SLC44A5: variants seen among roughly 807,000 people sequenced by gnomAD.
SLC44A5 encodes solute carrier family 44 member 5.
In SLC44A5, 57 loss-of-function variants were observed where a neutral mutation model predicts 101.8. The ratio of observed to expected loss-of-function variants is 0.56; its 90% CI spans 0.45 to 0.70. The LOEUF is 0.70. Among genes scored for constraint, SLC44A5 ranks in the 30% least tolerant of loss-of-function variants. SLC44A5 has a pLI of 0.00. For missense variants in SLC44A5, 737 were observed against 853.1 expected, an observed-to-expected ratio of 0.86 and a Z score of 1.70; for synonymous variants, 281 against 290.9, an observed-to-expected ratio of 0.97 and a Z score of 0.35.
chr1:75,388,188 G>T (rs1245605531), intron 3 of SLC44A5, among the ~76,000 whole-genome samples: 4 of 126,384 alleles, frequency 3.2e-5, no homozygotes, highest in African/African-American at 1.3e-4. Flanking sequence ...ATGTGCACAT[G>T]TACCCTAAAA....
intron 2 of SLC44A5, among the ~76,000 whole-genome samples, chr1:75,473,698 A>C (rs919655770): frequency 1.3e-5 from 2 of 152,164 alleles, no homozygotes; most frequent in Admixed American, 1.3e-4. Context: ...TATAATCAGC[A>C]TCTTATTTTA....
chr1:75,466,166 A>G (rs539606379), intron 2 of SLC44A5, among the ~76,000 whole-genome samples: 2 of 152,324 alleles, frequency 1.3e-5, no homozygotes, highest in East Asian at 3.9e-4. Flanking sequence ...TACATTTAAA[A>G]GGCCATTTGT....
At chr1:75,590,440 G>A (rs1674282065) in intron 1 of SLC44A5, among the ~76,000 whole-genome samples, 1 of 152,162 alleles carries the variant, frequency 6.6e-6, no homozygotes, top group Non-Finnish European at 1.5e-5. Context: ...AAGCCTCTGA[G>A]ACTTGCTGGC....
chr1:75,483,341 C>CA (rs58259337), intron 2 of SLC44A5, among the ~76,000 whole-genome samples: 5 of 151,948 alleles, frequency 3.3e-5, no homozygotes, highest in African/African-American at 7.2e-5. Flanking sequence ...TTCTAAACCT[C>CA]AAAAAAAGCT....
the SLC44A5 span, among the ~76,000 whole-genome samples, chr1:75,687,693 C>G: frequency 6.6e-6 from 1 of 152,158 alleles, no homozygotes; most frequent in East Asian, 1.9e-4. Flanking sequence ...GTGAATTTCT[C>G]CCCAGGACAC....
chr1:75,367,922 C>T (rs1468513077), intron 3 of SLC44A5, among the ~76,000 whole-genome samples: 2 of 152,136 alleles, frequency 1.3e-5, no homozygotes, highest in African/African-American at 4.8e-5. Context: ...GAAAGGAGAC[C>T]TCCCATGCCA....
At chr1:75,632,011 C>T in the SLC44A5 span, among the ~76,000 whole-genome samples, 8 of 152,180 alleles carry the variant, frequency 5.3e-5, no homozygotes, top group East Asian at 5.8e-4. Context: ...GAGTCACTGA[C>T]GACAAATCAT....
intron 4 of SLC44A5, among the ~76,000 whole-genome samples, chr1:75,338,205 G>A (rs2101026343): frequency 6.6e-6 from 1 of 152,272 alleles, no homozygotes. Context: ...CATCACAAAA[G>A]GCCCCAGGTA....
chr1:75,664,270 C>T, the SLC44A5 span, among the ~76,000 whole-genome samples: 7 of 152,192 alleles, frequency 4.6e-5, no homozygotes, highest in South Asian at 2.1e-4. Context: ...GATGCCCACT[C>T]GCATTACACC....
At chr1:75,550,239 G>C (rs999500465) in intron 1 of SLC44A5, among the ~76,000 whole-genome samples, 5 of 152,032 alleles carry the variant, frequency 3.3e-5, no homozygotes, top group African/African-American at 1.2e-4. Context: ...CCATAAAAAG[G>C]AATGAACATC....
At chr1:75,264,713 C>A (rs1041483822) in intron 6 of SLC44A5, among the ~76,000 whole-genome samples, 9 of 151,824 alleles carry the variant, frequency 5.9e-5, no homozygotes, top group African/African-American at 2.2e-4. Context: ...TCTAACAATG[C>A]ACCTCAAGGA....
rs1318966263 is a variant in SLC44A5 at position 75,227,818 on chromosome 1, T to G, written c.893A>C (p.Glu298Ala). The change falls in exon 13 of 24, where the codon GAA becomes GCA. Residue 298 changes from glutamate to alanine, a missense_variant. By Grantham distance (107) the Glu-to-Ala change is moderately radical. This residue lies in a region of SLC44A5 where 665 missense variants were observed against 764.4 expected (regional missense o/e 0.87). Coordinates refer to ENST00000370859, the MANE Select transcript of SLC44A5 (RefSeq NM_001130058.2). ...HCYQQYTNLQ[E>A]RPSSVLTIYD... is the part of the protein sequence containing the mutation. ...GATAGTTAATACAGAACTTGGGCGT[T>G]CCTGAAGATTGGTGTACTGCTGGTA... The G allele has an allele frequency of 6.2e-7, 1 of 1,600,526 alleles. No individual in the cohort carries two copies. The highest frequency in any genetic ancestry group is 8.5e-7 in the Non-Finnish European group (1 of 1,176,480).
chr1:75,618,724 T>C, the SLC44A5 span, among the ~76,000 whole-genome samples: 1 of 152,166 alleles, frequency 6.6e-6, no homozygotes, highest in Non-Finnish European at 1.5e-5. Flanking sequence ...TTATAGGCAA[T>C]TGTAAAACAA....
intron 1 of SLC44A5, among the ~76,000 whole-genome samples, chr1:75,579,510 G>C (rs758133315): frequency 2.0e-5 from 3 of 151,314 alleles, no homozygotes; most frequent in Non-Finnish European, 3.0e-5. Context: ...AGGTCCCTAA[G>C]CAAAATATTT....
chr1:75,572,222 T>C (rs921735484), intron 1 of SLC44A5, among the ~76,000 whole-genome samples: 19 of 152,170 alleles, frequency 1.2e-4, no homozygotes, highest in African/African-American at 4.6e-4. Context: ...AGTCTCACAA[T>C]GACAGCTTTG....
chr1:75,516,928 A>G (rs1438766597), intron 2 of SLC44A5, among the ~76,000 whole-genome samples: 2 of 152,324 alleles, frequency 1.3e-5, no homozygotes, highest in Non-Finnish European at 2.9e-5. Flanking sequence ...AAAATTATCA[A>G]TTCTGTTCAT....
intron 23 of SLC44A5, among the ~76,000 whole-genome samples, chr1:75,210,446 G>T (rs142116173): frequency 1.6e-3 from 250 of 152,250 alleles, no homozygotes; most frequent in African/African-American, 5.6e-3. Flanking sequence ...AAGCTCTAAA[G>T]AAGTATTTTA....
chr1:75,519,954 T>C (rs911869996), intron 2 of SLC44A5, among the ~76,000 whole-genome samples: 3 of 152,208 alleles, frequency 2.0e-5, no homozygotes, highest in Admixed American at 1.3e-4. Context: ...ACCAGCTCAA[T>C]CATGGAGAAA....
Position 75,467,085 on chromosome 1 carries a change from A to G in SLC44A5, c.14-70464T>C, listed in dbSNP as rs12033810. Among the ~76,000 whole-genome samples, 340 of 152,288 alleles carry G rather than the reference A, an allele frequency of 2.2e-3. 9 individuals carry two copies. In the East Asian group the frequency reaches 0.055, roughly 25 times the overall value. ...AATTTAAAAAGTAATCCCATGTACAATAGCCACAAATTAAACTAAATACCT... is the reference window on the plus strand; with the variant it reads ...AATTTAAAAAGTAATCCCATGTACAGTAGCCACAAATTAAACTAAATACCT... On this transcript the variant is annotated intron_variant, in intron 2 of 23. Coordinates refer to ENST00000370859, the MANE Select transcript of SLC44A5 (RefSeq NM_001130058.2).
Sources: gnomAD v4.1 joint callset for allele counts (sites outside exome capture counted in the v4.1 genomes callset) on GRCh38, gnomAD v4.1.1 for gene constraint, gnomAD v4.1.1 regional missense constraint, MANE v1.5 for transcripts, NCBI Gene and HGNC (gene_info 2026-07-23, HGNC 2026-07-21) for gene names.